EPC2: variants seen among roughly 807,000 people sequenced by gnomAD.
The protein encoded by EPC2 is enhancer of polycomb 2.
Under a neutral mutation model 92.1 loss-of-function variants are expected in EPC2, and 14 were observed. The ratio of observed to expected loss-of-function variants is 0.15; its 90% CI spans 0.10 to 0.24. The LOEUF (loss-of-function observed/expected upper bound fraction) is 0.24, where lower values mean the gene tolerates loss of function less well. Ranked by LOEUF, EPC2 falls within the 10% of genes least tolerant of loss-of-function variation. The pLI is 1.00. For missense variants in EPC2, 755 were observed against 971.5 expected (o/e 0.78, Z 2.96); for synonymous variants, 340 against 334.7 (o/e 1.02, Z -0.17).
chr2:148,666,724 G>A (rs907642752), intron 1 of EPC2, among the ~76,000 whole-genome samples: 1 of 152,120 alleles, frequency 6.6e-6, no homozygotes, highest in Non-Finnish European at 1.5e-5. Flanking sequence ...CATCACCTGG[G>A]AACTTAGAAA....
At chr2:148,753,339 A>G (rs988959772) in intron 3 of EPC2, among the ~76,000 whole-genome samples, 4 of 152,220 alleles carry the variant, frequency 2.6e-5, no homozygotes, top group African/African-American at 7.2e-5. Flanking sequence ...TAACACTTGG[A>G]TAGAGGAATT....
intron 2 of EPC2, among the ~76,000 whole-genome samples, chr2:148,720,332 C>T (rs1302723276): frequency 6.6e-6 from 1 of 152,244 alleles, no homozygotes; most frequent in African/African-American, 2.4e-5. Flanking sequence ...AGAGATGGTG[C>T]TGGCCTCTCC....
intron 1 of EPC2, among the ~76,000 whole-genome samples, chr2:148,664,776 A>G (rs1681026338): frequency 6.6e-6 from 1 of 152,184 alleles, no homozygotes; most frequent in Non-Finnish European, 1.5e-5. Context: ...TTCACTCAGC[A>G]TACTTTTGTT....
At chr2:148,707,061 TAA>T (rs760485050) in intron 2 of EPC2, among the ~76,000 whole-genome samples, 3 of 152,110 alleles carry the variant, frequency 2.0e-5, no homozygotes, top group Non-Finnish European at 4.4e-5. Flanking sequence ...GGAAATTGGA[TAA>T]AGAGTCAAGA....
intron 1 of EPC2, among the ~76,000 whole-genome samples, chr2:148,664,369 T>C (rs1185385753): frequency 6.6e-6 from 1 of 152,068 alleles, no homozygotes; most frequent in East Asian, 1.9e-4. Flanking sequence ...CAGGGTGCTG[T>C]GTGCTGTAGT....
intron 2 of EPC2, among the ~76,000 whole-genome samples, chr2:148,699,879 C>G (rs369563454): frequency 3.0e-4 from 45 of 152,142 alleles, no homozygotes; most frequent in African/African-American, 9.7e-4. Flanking sequence ...GCCCCGCATC[C>G]TTATCATCGT....
chr2:148,688,520 A>C (rs1001526909), intron 1 of EPC2, among the ~76,000 whole-genome samples: 1 of 152,128 alleles, frequency 6.6e-6, no homozygotes, highest in Non-Finnish European at 1.5e-5. Context: ...TATGTAACAA[A>C]CCTGCACATT....
At chr2:148,776,860 T>C (rs966535409) in intron 10 of EPC2, among the ~76,000 whole-genome samples, 624 of 24,656 alleles carry the variant, frequency 0.025, 3 homozygotes, top group African/African-American at 0.063. Flanking sequence ...CTCTCTCTTT[T>C]TTTTTTTTTT....
At chr2:148,757,424 G>C (rs1201047758) in intron 4 of EPC2, among the ~76,000 whole-genome samples, 1 of 152,126 alleles carries the variant, frequency 6.6e-6, no homozygotes, top group African/African-American at 2.4e-5. Flanking sequence ...ATATAGATCT[G>C]TGCATATATG....
At chr2:148,770,329 T>C (rs561362499) in intron 8 of EPC2, among the ~76,000 whole-genome samples, 36 of 152,268 alleles carry the variant, frequency 2.4e-4, no homozygotes, top group African/African-American at 8.7e-4. Context: ...CATGAACCAC[T>C]GCATCCTGCT....
chr2:148,653,610 G>C (rs1680729109), intron 1 of EPC2, among the ~76,000 whole-genome samples: 1 of 152,110 alleles, frequency 6.6e-6, no homozygotes, highest in Non-Finnish European at 1.5e-5. Context: ...TTTACTGTAA[G>C]CAGCTGTTGC....
chr2:148,784,041 G>A (rs919596817), intron 12 of EPC2, among the ~76,000 whole-genome samples: 1 of 152,134 alleles, frequency 6.6e-6, no homozygotes, highest in Admixed American at 6.5e-5. Context: ...TAGGAAATCT[G>A]TTGAGCTAAC....
intron 10 of EPC2, among the ~76,000 whole-genome samples, chr2:148,778,926 G>A (rs536830483): frequency 6.6e-6 from 1 of 152,246 alleles, no homozygotes; most frequent in Admixed American, 6.5e-5. Context: ...TTAAATTTGT[G>A]TCAGTGATTC....
chr2:148,774,945 C>A (rs542450624), intron 10 of EPC2, among the ~76,000 whole-genome samples: 1 of 151,560 alleles, frequency 6.6e-6, no homozygotes, highest in Non-Finnish European at 1.5e-5. Context: ...AAAAATTAGC[C>A]AGGCGTGGTG....
At chr2:148,785,023 A>G (rs751951043) in intron 13 of EPC2, 22 bp downstream of exon 13, 1 of 1,462,384 alleles carries the variant, frequency 6.8e-7, no homozygotes, top group Non-Finnish European at 9.0e-7. Flanking sequence ...TGTTTCAGTG[A>G]TTTTTCTCCC....
chr2:148,688,764 TA>T (rs1314449351), intron 1 of EPC2, among the ~76,000 whole-genome samples: 1 of 152,198 alleles, frequency 6.6e-6, no homozygotes, highest in African/African-American at 2.4e-5. Context: ...TCAGTTAATG[TA>T]TGTTAAGCAG....
intron 1 of EPC2, among the ~76,000 whole-genome samples, chr2:148,684,235 C>A (rs1681467727): frequency 1.3e-5 from 2 of 152,088 alleles, no homozygotes; most frequent in South Asian, 4.2e-4. Context: ...ATTTGAGTTC[C>A]TTGTAGATTC....
At chr2:148,749,594 C>T (rs1306189175) in intron 3 of EPC2, among the ~76,000 whole-genome samples, 3 of 151,760 alleles carry the variant, frequency 2.0e-5, no homozygotes, top group Non-Finnish European at 2.9e-5. Context: ...GTGGTTCTCA[C>T]GTGCACTAGG....
chr2:148,653,097 T>C (rs1388143381), intron 1 of EPC2, among the ~76,000 whole-genome samples: 1 of 152,196 alleles, frequency 6.6e-6, no homozygotes, highest in Admixed American at 6.5e-5. Flanking sequence ...ACTAAATGTC[T>C]TGAGGGAAGG....
Sources: gnomAD v4.1 joint callset for allele counts (sites outside exome capture counted in the v4.1 genomes callset) on GRCh38, gnomAD v4.1.1 for gene constraint, MANE v1.5 for transcripts, NCBI Gene and HGNC (gene_info 2026-07-23, HGNC 2026-07-21) for gene names.